TMC5: variants seen among roughly 807,000 people sequenced by gnomAD.
TMC5 encodes the protein transmembrane channel-like protein 5.
A neutral mutation model predicts 110.5 loss-of-function variants in TMC5; 86 were observed. That is an observed-to-expected ratio of 0.78 (90% CI 0.65 to 0.93). The LOEUF (loss-of-function observed/expected upper bound fraction) is 0.93. Ranked by LOEUF, TMC5 falls within the 40% of genes least tolerant of loss-of-function variation. The probability of loss-of-function intolerance (pLI) is 0.00; values close to 1 mark genes in which losing one functional copy is unlikely to be tolerated. For missense variants in TMC5, 1,144 were observed against 1,222.8 expected (o/e 0.94, Z 0.96); for synonymous variants, 455 against 439.5 (o/e 1.04, Z -0.44).
At chr16:19,440,913 A>G in intron 3 of TMC5, 87 bp downstream of exon 3, 2 of 1,345,324 alleles carry the variant, frequency 1.5e-6, no homozygotes, top group South Asian at 2.7e-5. Context: ...TGTGGTTTAG[A>G]TTAGGGATAT....
rs573992769 is a variant in TMC5, at chr16:19,440,339, C to T, written c.301C>T (p.His101Tyr). The T allele has an allele frequency of 1.1e-5, 17 of 1,614,110 alleles. No homozygotes were observed. The African/African-American group carries it at 1.3e-4, about 13-fold the overall frequency. ...TGCAGCCTCTAGAACAAGCCCAGAC[C>T]ATCCTACCTCTCTACCAGAGCCAGA... The part of the protein sequence containing the change: ...YSAASRTSPD[H>Y]PTSLPEPDYS... The change falls in exon 3 of 22, where the codon CAT (histidine) becomes TAT (tyrosine). Residue 101 changes from histidine (H) to tyrosine (Y), a missense_variant. Physicochemically the swap from His to Tyr is moderately conservative, Grantham distance 83. Coordinates refer to ENST00000542583, the MANE Select transcript of TMC5 (RefSeq NM_001261841.2).
intron 18 of TMC5, 55 bp downstream of exon 18, chr16:19,490,623 A>C: frequency 6.3e-7 from 1 of 1,582,520 alleles, no homozygotes; most frequent in South Asian, 1.1e-5. Flanking sequence ...CTCGAGGGAA[A>C]CAGCAGTAGG....
intron 8 of TMC5, 120 bp downstream of exon 8, chr16:19,464,144 T>G (rs925118648): frequency 1.7e-6 from 2 of 1,201,028 alleles, no homozygotes; most frequent in Admixed American, 4.8e-5. Context: ...ATGGGGAAAG[T>G]GGATGTTTGA....
At chr16:19,443,978 T>C in intron 3 of TMC5, 103 bp from the exon 4 acceptor site, 2 of 1,157,884 alleles carry the variant, frequency 1.7e-6, no homozygotes, top group South Asian at 1.5e-5. Context: ...GATAAATAAA[T>C]GGATGAATAC....
Position 19,439,958 on chromosome 16 carries a change from A to T in TMC5, c.-79-2A>T. ...ACTTTTTCTTTTCTTCTTGTTTTTC[A>T]GGTGAAAAAAAAAAAAGATCCCTGA... On this transcript the variant is annotated splice_acceptor_variant, in intron 2 of 21. Coordinates refer to ENST00000542583, the MANE Select transcript of TMC5 (RefSeq NM_001261841.2). LOFTEE classifies it low-confidence loss of function (5UTR_SPLICE). 1.7e-6 allele frequency: 2 copies of T among 1,208,034 alleles called. No homozygotes were observed. The highest frequency in any genetic ancestry group is 2.3e-6 in the Non-Finnish European group (2 of 857,450). The allele number at this position is 1,208,034 out of a possible 1,614,324, so 74.8% of individuals were successfully genotyped here.
At chr16:19,442,970 C>G (rs1056682397) in intron 3 of TMC5, among the ~76,000 whole-genome samples, 1 of 152,178 alleles carries the variant, frequency 6.6e-6, no homozygotes, top group African/African-American at 2.4e-5. Context: ...TCCCCATAAC[C>G]TTTGGAGAAA....
At chr16:19,490,014 G>A (rs1407992761) in intron 17 of TMC5, among the ~76,000 whole-genome samples, 1 of 151,898 alleles carries the variant, frequency 6.6e-6, no homozygotes, top group Non-Finnish European at 1.5e-5. Context: ...TGAACTTCTG[G>A]GCTCAAGCAA....
intron 2 of TMC5, among the ~76,000 whole-genome samples, chr16:19,434,020 A>G (rs1432981367): frequency 3.2e-4 from 2 of 6,220 alleles, no homozygotes; most frequent in African/African-American, 9.3e-4. Context: ...TATAATATAT[A>G]TATAAATCTA....
intron 2 of TMC5, among the ~76,000 whole-genome samples, chr16:19,438,409 G>GAAAAGAAA (rs370741264): frequency 0.092 from 4,470 of 48,558 alleles, 128 homozygotes; most frequent in African/African-American, 0.17. Context: ...AAAAAAAAAA[G>GAAAAGAAA]AAGAAAGAAA....
At chr16:19,428,154 A>G (rs1967124638) in intron 1 of TMC5, among the ~76,000 whole-genome samples, 1 of 152,232 alleles carries the variant, frequency 6.6e-6, no homozygotes, top group African/African-American at 2.4e-5. Flanking sequence ...GCTAGCGGAA[A>G]GAGATTTGAT....
In TMC5 at chr16:19,481,380, A is replaced by G; in HGVS notation, c.2278A>G (p.Met760Val). 6.2e-7 allele frequency: 1 copy of G among 1,613,150 alleles called. No individual in the cohort carries two copies. The change falls in exon 15 of 22, where the codon ATG becomes GTG. Residue 760 changes from methionine (M) to valine (V), a missense_variant. Physicochemically the swap from Met to Val is conservative, Grantham distance 21. Coordinates refer to ENST00000542583, the MANE Select transcript of TMC5 (RefSeq NM_001261841.2). ...AGTATGTTTTCACAGAATCATTGGG[A>G]TGCAACTGATCACAAGTCTTGGCCT... ...LGEFLRRIIG[M>V]QLITSLGLQE...
At chr16:19,495,900 G>A (rs573456751) in intron 20 of TMC5, among the ~76,000 whole-genome samples, 6 of 152,122 alleles carry the variant, frequency 3.9e-5, no homozygotes, top group East Asian at 3.9e-4. Context: ...TTGGGAGGCC[G>A]AGGCGGGCTT....
At chr16:19,439,130 AC>A (rs1351384917) in intron 2 of TMC5, among the ~76,000 whole-genome samples, 2 of 152,242 alleles carry the variant, frequency 1.3e-5, no homozygotes, top group Admixed American at 1.3e-4. Context: ...TAGTTAGGTC[AC>A]AGTTCATTAT....
At chr16:19,483,013 G>A (rs1188494495) in intron 15 of TMC5, among the ~76,000 whole-genome samples, 1 of 152,004 alleles carries the variant, frequency 6.6e-6, no homozygotes, top group East Asian at 1.9e-4. Context: ...ACAGGCATGT[G>A]CCACCACACC....
At chr16:19,423,010 G>C (rs570468647) in intron 1 of TMC5, among the ~76,000 whole-genome samples, 1 of 152,310 alleles carries the variant, frequency 6.6e-6, no homozygotes, top group East Asian at 1.9e-4. Flanking sequence ...TGTGTTGCCA[G>C]CTACTCACGA....
rs1466362279 is a variant in TMC5, at chr16:19,444,208, T to C, written c.916T>C (p.Ser306Pro). Residue 306 changes from serine to proline, a missense_variant, in exon 4 of 22, where the codon TCA (serine) becomes CCA (proline). By Grantham distance (74) the Ser-to-Pro change is moderately conservative. Transcript: ENST00000542583. ...IEMASMEMAN[S>P]YGHSLPGAPG... Reference sequence around the variant, plus strand: ...AATGGCATCCATGGAGATGGCAAACTCATATGGCCACTCTCTGCCAGGTGC... The same window carrying C: ...AATGGCATCCATGGAGATGGCAAACCCATATGGCCACTCTCTGCCAGGTGC... The C allele has an allele frequency of 6.2e-7, 1 of 1,614,004 alleles. No homozygotes were observed. The highest frequency in any genetic ancestry group is 8.5e-7 in the Non-Finnish European group (1 of 1,180,012).
At chr16:19,466,598 C>T (rs1323882914) in intron 9 of TMC5, among the ~76,000 whole-genome samples, 1 of 152,186 alleles carries the variant, frequency 6.6e-6, no homozygotes, top group African/African-American at 2.4e-5. Flanking sequence ...GTGGTCCACC[C>T]GCCTCGGCCT....
At chr16:19,476,483 G>A (rs1445199008) in intron 12 of TMC5, among the ~76,000 whole-genome samples, 1 of 152,178 alleles carries the variant, frequency 6.6e-6, no homozygotes, top group Non-Finnish European at 1.5e-5. Flanking sequence ...AAGGGGAAAT[G>A]TTAGGTCTCA....
chr16:19,413,354 T>C (rs907711013), upstream of TMC5, among the ~76,000 whole-genome samples: 2 of 151,718 alleles, frequency 1.3e-5, no homozygotes, highest in Admixed American at 6.6e-5. Flanking sequence ...CAAGACCTCG[T>C]CTCTACTAAA....
Sources: gnomAD v4.1 joint callset for allele counts (sites outside exome capture counted in the v4.1 genomes callset) on GRCh38, gnomAD v4.1.1 for gene constraint, MANE v1.5 for transcripts, NCBI Gene and HGNC (gene_info 2026-07-23, HGNC 2026-07-21) for gene names.